The following CNGA3 variants were observed in gnomAD, a reference collection of about 807,000 sequenced individuals.
The protein encoded by CNGA3 is cyclic nucleotide gated channel subunit alpha 3.
In CNGA3, 42 loss-of-function variants were observed where a neutral mutation model predicts 46.6. The observed-to-expected ratio is 0.90, with a 90% CI of 0.70 to 1.17. CNGA3 has a LOEUF of 1.17. CNGA3 is among the 50% of genes most tolerant of loss of function. The pLI is 0.00. For synonymous variants in CNGA3, 394 were observed against 369.4 expected (o/e 1.07, Z -0.76); for missense variants, 893 against 890.7 (o/e 1.00, Z -0.03).
intron 2 of CNGA3, 184 bp from the exon 3 acceptor site, chr2:98,377,503 C>T (rs765919825): frequency 5.7e-5 from 36 of 630,654 alleles, no homozygotes; most frequent in African/African-American, 9.0e-5. Context: ...GGAAAGGCCA[C>T]GTTTATACCA....
chr2:98,372,518 G>A (rs1692311306), intron 2 of CNGA3, among the ~76,000 whole-genome samples: 1 of 152,112 alleles, frequency 6.6e-6, no homozygotes, highest in African/African-American at 2.4e-5. Context: ...TGCACTTTCT[G>A]TGACCAGAAT....
intron 1 of CNGA3, 81 bp from the exon 2 acceptor site, chr2:98,369,858 G>C: frequency 2.3e-6 from 2 of 860,756 alleles, no homozygotes; most frequent in Non-Finnish European, 1.9e-6. Flanking sequence ...GGCCGCGTGC[G>C]GTAGCCCTTG....
At position 98,391,670 on chromosome 2, in the gene CNGA3, G is replaced by A. The variant is rs147222846; in HGVS notation, c.567-194G>A. On this transcript the variant is annotated intron_variant, in intron 6 of 7. Transcript: ENST00000272602. The stretch of plus-strand genomic sequence containing the variant: ...AGCTCTTCTCAGGAGTTCTGTGACT[G>A]TGGGACAGAAAAGCTTCTCAGAGAC... 2.7e-4 allele frequency among the ~76,000 whole-genome samples: 41 copies of A among 152,304 alleles called. No homozygotes were observed. The East Asian group carries it at 4.4e-3, about 17-fold the overall frequency.
chr2:98,373,034 G>T (rs1692322211), intron 2 of CNGA3, among the ~76,000 whole-genome samples: 1 of 152,166 alleles, frequency 6.6e-6, no homozygotes, highest in Non-Finnish European at 1.5e-5. Context: ...TTATCTTACA[G>T]AGGCGAGACT....
chr2:98,390,760 G>A lies in CNGA3; in HGVS notation c.566+986G>A, dbSNP rs977660982. Among the ~76,000 whole-genome samples the A allele has an allele frequency of 6.6e-5, 10 of 152,212 alleles. No individual in the cohort carries two copies. The East Asian group carries it at 1.4e-3, about 21-fold the overall frequency. On this transcript the variant is annotated intron_variant, in intron 6 of 7. Coordinates refer to ENST00000272602, the MANE Select transcript of CNGA3 (RefSeq NM_001298.3). The stretch of plus-strand genomic sequence containing the variant: ...TCTCTCTAGGTAAGCATGGGGTTTG[G>A]GGGCCCTTCCCAGCAGGCCTGCTCC...
intron 1 of CNGA3, among the ~76,000 whole-genome samples, chr2:98,367,712 C>T (rs1205416658): frequency 6.6e-6 from 1 of 152,072 alleles, no homozygotes; most frequent in Non-Finnish European, 1.5e-5. Context: ...ACCTCTTCCT[C>T]CCCACCCCTT....
intron 6 of CNGA3, among the ~76,000 whole-genome samples, chr2:98,391,145 C>T (rs1232147368): frequency 2.0e-5 from 3 of 152,166 alleles, no homozygotes; most frequent in Non-Finnish European, 4.4e-5. Flanking sequence ...CAGAGGCTTT[C>T]GATTATTCGA....
chr2:98,395,770 A>G, intron 7 of CNGA3, 74 bp from the exon 8 acceptor site: 1 of 1,276,082 alleles, frequency 7.8e-7, no homozygotes, highest in Non-Finnish European at 1.1e-6. Flanking sequence ...CGTGAGGTAA[A>G]ATATGTTTCT....
At chr2:98,377,428 C>G (rs1293439013) in intron 2 of CNGA3, 1 of 466,484 alleles carries the variant, frequency 2.1e-6, no homozygotes, top group African/African-American at 2.0e-5. Context: ...GCCAGGCCAG[C>G]ATGTACTGCC....
intron 2 of CNGA3, chr2:98,377,383 C>A: frequency 2.9e-6 from 1 of 343,002 alleles, no homozygotes; most frequent in Non-Finnish European, 5.5e-6. Context: ...AATGGCAAGC[C>A]CCGGGACCTC....
Position 98,370,065 on chromosome 2 carries a change from T to G in CNGA3, c.90T>G (p.Asn30Lys). 6.2e-7 allele frequency: 1 copy of G among 1,613,194 alleles called. No individual in the cohort carries two copies. Among genetic ancestry groups the G allele is most frequent in the South Asian group, 1.1e-5 (1 of 90,916 alleles). The change falls in exon 2 of 8, where the codon AAT becomes AAG. Residue 30 changes from asparagine to lysine, a missense_variant. Asn to Lys is a moderately conservative substitution (Grantham distance 94). This residue lies in a region of CNGA3 where 333 missense variants were observed against 290.8 expected (regional missense o/e 1.15). Coordinates refer to ENST00000272602, the MANE Select transcript of CNGA3 (RefSeq NM_001298.3). The part of the protein sequence containing the change: ...TSDRDLNRAE[N>K]GLSRAHSSSE... The stretch of plus-strand genomic sequence containing the variant: ...ACCGAGATCTCAATCGCGCTGAAAA[T>G]GGCCTCAGCAGGTAAGATGGGCTAA...
At chr2:98,358,627 T>C (rs879466485) in intron 1 of CNGA3, among the ~76,000 whole-genome samples, 5 of 152,226 alleles carry the variant, frequency 3.3e-5, no homozygotes, top group Non-Finnish European at 7.3e-5. Flanking sequence ...AGAAAAACTT[T>C]AGAGGTAAAA....
intron 2 of CNGA3, chr2:98,377,480 T>C: frequency 1.7e-6 from 1 of 580,530 alleles, no homozygotes; most frequent in South Asian, 1.9e-5. Flanking sequence ...GTAGCTACCT[T>C]CCTTGCTGTA....
intron 1 of CNGA3, among the ~76,000 whole-genome samples, chr2:98,350,597 C>T (rs1691750085): frequency 6.6e-6 from 1 of 152,162 alleles, no homozygotes; most frequent in South Asian, 2.1e-4. Context: ...ACACTCAGAG[C>T]TGAGGAACTC....
At chr2:98,387,903 A>C (rs112276114) in intron 5 of CNGA3, among the ~76,000 whole-genome samples, 4 of 152,132 alleles carry the variant, frequency 2.6e-5, no homozygotes, top group African/African-American at 9.6e-5. Context: ...AACTTTCCCA[A>C]CTTCAATGTG....
At chr2:98,347,643 A>T (rs1369744469) in intron 1 of CNGA3, among the ~76,000 whole-genome samples, 15 of 152,120 alleles carry the variant, frequency 9.9e-5, no homozygotes, top group Non-Finnish European at 2.1e-4. Flanking sequence ...TGCCTCTGAC[A>T]CGCAGTCCGC....
Position 98,391,879 on chromosome 2 carries a change from G to T in CNGA3, c.582G>T (p.Glu194Asp). 1 of 1,614,166 alleles carries T rather than the reference G, an allele frequency of 6.2e-7. No individual in the cohort carries two copies. The highest frequency in any genetic ancestry group is 1.1e-5 in the South Asian group (1 of 91,086). Residue 194 changes from glutamate (E) to aspartate (D), a missense_variant, in exon 7 of 8, where the codon GAG becomes GAT. This residue lies in a region of CNGA3 where 333 missense variants were observed against 290.8 expected (regional missense o/e 1.15). Coordinates refer to ENST00000272602, the MANE Select transcript of CNGA3 (RefSeq NM_001298.3). ...GCTTCTTTAGGGCCTGTTTCGATGAGCTGCAGTCCGAGTACCTGATGCTGT... is the reference window on the plus strand; with the variant it reads ...GCTTCTTTAGGGCCTGTTTCGATGATCTGCAGTCCGAGTACCTGATGCTGT... ...YLLICRACFD[E>D]LQSEYLMLWL...
In CNGA3 at chr2:98,376,050, C is replaced by G. The variant is rs560460880; in HGVS notation, c.102-1637C>G. Among the ~76,000 whole-genome samples the G allele has an allele frequency of 1.6e-4, 25 of 152,230 alleles. 1 individual carries two copies. The highest frequency in any genetic ancestry group is 5.8e-4 in the African/African-American group (24 of 41,536). On this transcript the variant is annotated intron_variant, in intron 2 of 7. Transcript: ENST00000272602. ...TTGGGAGGAAAGGTGAGTGTGTTCTCTGCATACCAATGCTTCCAAAACATC... is the reference window on the plus strand; with the variant it reads ...TTGGGAGGAAAGGTGAGTGTGTTCTGTGCATACCAATGCTTCCAAAACATC...
rs762773298 is a variant in CNGA3, at chr2:98,389,721, G to A, written c.513G>A (p.Trp171Ter). The change falls in exon 6 of 8, where the codon TGG becomes TGA. Residue 171 changes from tryptophan (W) to a stop codon, truncating the protein, a stop_gained. Transcript: ENST00000272602. LOFTEE classifies it high-confidence loss of function. ...VDPSSNLYYR[W>*]LTAIALPVFY... ...CGTCCAGCAACCTGTACTACCGCTGGCTGACCGCCATCGCCCTGCCTGTCT... is the reference window on the plus strand; with the variant it reads ...CGTCCAGCAACCTGTACTACCGCTGACTGACCGCCATCGCCCTGCCTGTCT... The A allele has an allele frequency of 1.9e-5, 31 of 1,613,598 alleles. No homozygotes were observed. Among genetic ancestry groups the A allele is most frequent in the Non-Finnish European group, 2.6e-5 (31 of 1,180,040 alleles).
Sources: gnomAD v4.1 joint callset for allele counts (sites outside exome capture counted in the v4.1 genomes callset) on GRCh38, gnomAD v4.1.1 for gene constraint, gnomAD v4.1.1 regional missense constraint, MANE v1.5 for transcripts, NCBI Gene and HGNC (gene_info 2026-07-23, HGNC 2026-07-21) for gene names.